The following B3GALNT1 variants were observed in gnomAD, a reference collection of about 807,000 sequenced individuals.
The protein encoded by B3GALNT1 is UDP-GalNAc:beta-1,3-N-acetylgalactosaminyltransferase 1.
Under a neutral mutation model 27.3 loss-of-function variants are expected in B3GALNT1, and 17 were observed. The ratio of observed to expected loss-of-function variants is 0.62; its 90% CI spans 0.43 to 0.94. The LOEUF is 0.94. B3GALNT1 is among the 40% of genes least tolerant of loss of function. The pLI is 0.00. For missense variants in B3GALNT1, 347 were observed against 390.0 expected (o/e 0.89, Z 0.93); for synonymous variants, 141 against 144.0 (o/e 0.98, Z 0.15).
intron 4 of B3GALNT1, among the ~76,000 whole-genome samples, chr3:161,093,530 A>C (rs1726482235): frequency 6.6e-6 from 1 of 152,168 alleles, no homozygotes; most frequent in Admixed American, 6.5e-5. Flanking sequence ...CACTGTTCTA[A>C]ATCCCATGTC....
At position 161,092,513 on chromosome 3, in the gene B3GALNT1, A is replaced by C. The variant is rs753995062; in HGVS notation, c.-34-5725T>G. Among the ~76,000 whole-genome samples the C allele has an allele frequency of 1.3e-4, 20 of 152,274 alleles. No homozygotes were observed. In the East Asian group the frequency reaches 1.5e-3, roughly 12 times the overall value. ...AAGAATGAAAGGAACATGTGGTTAA[A>C]GGGGGAAAAAAACACTGGTCATAAA... is the stretch of plus-strand genomic sequence containing the variant. On this transcript the variant is annotated intron_variant, in intron 4 of 4. Coordinates refer to ENST00000320474, the MANE Select transcript of B3GALNT1 (RefSeq NM_003781.4).
intron 3 of B3GALNT1, 72 bp from the exon 4 acceptor site, chr3:161,101,305 G>T: frequency 1.1e-6 from 1 of 949,598 alleles, no homozygotes; most frequent in Non-Finnish European, 1.5e-6. Context: ...GGCTTTCTGT[G>T]TCTGTTTTGT....
intron 1 of B3GALNT1, chr3:161,104,996 C>A (rs1465476683): frequency 6.6e-6 from 1 of 152,486 alleles, no homozygotes; most frequent in Non-Finnish European, 1.5e-5. Context: ...CCTTCTCCCG[C>A]GCTCACCGGA....
At chr3:161,095,203 T>C (rs1727474629) in intron 4 of B3GALNT1, among the ~76,000 whole-genome samples, 5 of 152,138 alleles carry the variant, frequency 3.3e-5, no homozygotes, top group Admixed American at 3.3e-4. Context: ...ACTCTGCCCC[T>C]CCAACCAAAA....
At chr3:161,090,138 A>C (rs1724258799) in intron 4 of B3GALNT1, 1 of 154,454 alleles carries the variant, frequency 6.5e-6, no homozygotes, top group African/African-American at 2.4e-5. Context: ...GAAACCATCC[A>C]AAAAGATACT....
At chr3:161,098,248 CA>C (rs1729267505) in intron 4 of B3GALNT1, among the ~76,000 whole-genome samples, 1 of 152,148 alleles carries the variant, frequency 6.6e-6, no homozygotes, top group Admixed American at 6.5e-5. Context: ...TCAGAGCCTG[CA>C]AAGCAGCACT....
At chr3:161,089,621 ATTAAG>A (rs906500144) in intron 4 of B3GALNT1, among the ~76,000 whole-genome samples, 30 of 152,344 alleles carry the variant, frequency 2.0e-4, no homozygotes, top group Middle Eastern at 3.4e-3. Context: ...GAAGACACAA[ATTAAG>A]TTATCTGTCT....
At chr3:161,102,387 C>A (rs9869430) in intron 3 of B3GALNT1, among the ~76,000 whole-genome samples, 2,326 of 152,200 alleles carry the variant, frequency 0.015, 47 homozygotes, top group Non-Finnish European at 0.022. Flanking sequence ...CCCAACCTTC[C>A]AGCACTTGGG....
chr3:161,101,708 T>C (rs1379617182), intron 3 of B3GALNT1, among the ~76,000 whole-genome samples: 1 of 152,196 alleles, frequency 6.6e-6, no homozygotes, highest in Admixed American at 6.5e-5. Context: ...GGAACTGAGT[T>C]TGCACTCTCA....
chr3:161,097,611 G>A (rs1044444080), intron 4 of B3GALNT1, among the ~76,000 whole-genome samples: 1 of 152,114 alleles, frequency 6.6e-6, no homozygotes, highest in Non-Finnish European at 1.5e-5. Context: ...AAAGCCAAAC[G>A]CACATTTCTG....
intron 3 of B3GALNT1, among the ~76,000 whole-genome samples, chr3:161,101,671 T>C (rs1473085675): frequency 6.6e-6 from 1 of 152,158 alleles, no homozygotes; most frequent in African/African-American, 2.4e-5. Context: ...CAAATGTTTC[T>C]AAACTAGTGA....
chr3:161,087,569 A>G (rs1421089563), intron 4 of B3GALNT1, among the ~76,000 whole-genome samples: 1 of 152,090 alleles, frequency 6.6e-6, no homozygotes, highest in Non-Finnish European at 1.5e-5. Context: ...TCCCATTCCA[A>G]CCTCTTCAGA....
At chr3:161,096,660 T>C (rs1431483759) in intron 4 of B3GALNT1, among the ~76,000 whole-genome samples, 1 of 152,226 alleles carries the variant, frequency 6.6e-6, no homozygotes, top group Non-Finnish European at 1.5e-5. Flanking sequence ...AACTCTACCA[T>C]TCAATTAGAC....
intron 4 of B3GALNT1, among the ~76,000 whole-genome samples, chr3:161,090,773 G>GGTGA (rs1724654595): frequency 6.6e-6 from 1 of 151,858 alleles, no homozygotes; most frequent in Non-Finnish European, 1.5e-5. Context: ...AATTTAAAGA[G>GGTGA]AACACCATAT....
rs755792943 is a variant in B3GALNT1, at chr3:161,085,908, T to C, written c.847A>G (p.Ile283Val). 4 of 1,612,656 alleles carry C rather than the reference T, an allele frequency of 2.5e-6. No individual in the cohort carries two copies. The highest frequency in any genetic ancestry group is 3.4e-6 in the Non-Finnish European group (4 of 1,179,324). ...CLNLLKVNIH[I>V]PEDTNLFFLY... is the part of the protein sequence containing the mutation. ...AAGAAAAGATTTGTGTCTTCTGGAATATGAATGTTCACTTTTAATAAATTC... is the reference window on the plus strand; with the variant it reads ...AAGAAAAGATTTGTGTCTTCTGGAACATGAATGTTCACTTTTAATAAATTC... The change falls in exon 5 of 5, where the codon ATT (isoleucine) becomes GTT (valine). Residue 283 changes from isoleucine to valine, a missense_variant. Transcript: ENST00000320474.
At chr3:161,092,917 C>G (rs1235989215) in intron 4 of B3GALNT1, among the ~76,000 whole-genome samples, 1 of 151,838 alleles carries the variant, frequency 6.6e-6, no homozygotes, top group East Asian at 1.9e-4. Context: ...TCCACCACGC[C>G]CGGCTAATTT....
chr3:161,101,182 G>T lies in B3GALNT1; in HGVS notation c.-78C>A, dbSNP rs1221357517. 2 of 1,289,894 alleles carry T rather than the reference G, an allele frequency of 1.6e-6. No individual in the cohort carries two copies. Among genetic ancestry groups the T allele is most frequent in the Admixed American group, 2.3e-5 (1 of 43,570 alleles). 79.9% of individuals were successfully genotyped at this position (1,289,894 alleles called of 1,614,324 possible). ...TAGTCGGAGAGCACCACGTGATAGA[G>T]CAGCCAGCGGGAAGAGCCAACAGGT... is the stretch of plus-strand genomic sequence containing the variant. On this transcript the variant is annotated 5_prime_UTR_variant, in exon 4 of 5. Transcript: ENST00000320474.
intron 4 of B3GALNT1, among the ~76,000 whole-genome samples, chr3:161,092,712 T>C (rs1472628512): frequency 6.6e-6 from 1 of 151,822 alleles, no homozygotes; most frequent in Non-Finnish European, 1.5e-5. Flanking sequence ...CAACAATGAC[T>C]AGTTGTATGA....
In B3GALNT1 at chr3:161,101,221, G is replaced by C. The variant is rs1731071123; in HGVS notation, c.-117C>G. On this transcript the variant is annotated 5_prime_UTR_variant, in exon 4 of 5. Transcript: ENST00000320474. ...GAGCCAACAGGTCAACCGGGTCCAGGGAGCTAAGAAAACTGGAGCAGAGCA... is the reference window on the plus strand; with the variant it reads ...GAGCCAACAGGTCAACCGGGTCCAGCGAGCTAAGAAAACTGGAGCAGAGCA... 1 of 1,289,776 alleles carries C rather than the reference G, an allele frequency of 7.8e-7. No homozygotes were observed. The highest frequency in any genetic ancestry group is 1.0e-6 in the Non-Finnish European group (1 of 988,878). The allele number at this position is 1,289,776 out of a possible 1,614,324, so 79.9% of individuals were successfully genotyped here.
Sources: gnomAD v4.1 joint callset for allele counts (sites outside exome capture counted in the v4.1 genomes callset) on GRCh38, gnomAD v4.1.1 for gene constraint, MANE v1.5 for transcripts, NCBI Gene and HGNC (gene_info 2026-07-23, HGNC 2026-07-21) for gene names.